Variants in MDFI observed in about 807,000 individuals in gnomAD.
MDFI encodes MyoD family inhibitor.
MDFI carries 16 observed loss-of-function variants against 22.3 expected under a neutral mutation model. That is an observed-to-expected ratio of 0.72 (90% confidence interval 0.49 to 1.09). The LOEUF (loss-of-function observed/expected upper bound fraction) is 1.09, where lower values mean the gene tolerates loss of function less well. Among genes scored for constraint, MDFI ranks in the 50% least tolerant of loss-of-function variants. The pLI is 0.00. For missense variants in MDFI, 314 were observed against 326.1 expected (o/e 0.96, Z 0.29); for synonymous variants, 145 against 142.7 (o/e 1.02, Z -0.12).
chr6:41,645,284 C>A (rs1561830691), intron 2 of MDFI, among the ~76,000 whole-genome samples: 1 of 152,098 alleles, frequency 6.6e-6, no homozygotes, highest in Admixed American at 6.5e-5. Context: ...TCCCCCATCC[C>A]TTTTCCCCCT....
chr6:41,639,122 G>GGGTC, intron 2 of MDFI: 7 of 560,860 alleles, frequency 1.2e-5, no homozygotes, highest in African/African-American at 2.1e-5. Context: ...ACACTCCGCG[G>GGGTC]TGTCTGTCCG....
chr6:41,642,599 C>T (rs191425044), intron 2 of MDFI, among the ~76,000 whole-genome samples: 2 of 152,328 alleles, frequency 1.3e-5, no homozygotes, highest in East Asian at 3.9e-4. Flanking sequence ...CCTTCTGCTT[C>T]CCTGTCTCTG....
At chr6:41,649,102 C>T (rs1442582973) in intron 3 of MDFI, among the ~76,000 whole-genome samples, 1 of 152,194 alleles carries the variant, frequency 6.6e-6, no homozygotes, top group Non-Finnish European at 1.5e-5. Flanking sequence ...TGAGGAGCCC[C>T]TGGATTCCAG....
In MDFI at chr6:41,653,208, C is replaced by A; in HGVS notation, c.485-111C>A. On this transcript the variant is annotated intron_variant, in intron 4 of 4. Transcript: ENST00000230321. The surrounding 1 kb of genome is among the most constrained non-coding windows in gnomAD (Gnocchi z 4.2). Reference sequence around the variant, plus strand: ...GTGAGCTTCAGGCACACAGTGAACACTCAGCGTCCCTGCTGCTGCCGCTGC... The same window carrying A: ...GTGAGCTTCAGGCACACAGTGAACAATCAGCGTCCCTGCTGCTGCCGCTGC... The A allele has an allele frequency of 8.9e-7, 1 of 1,119,948 alleles. No individual in the cohort carries two copies. The highest frequency in any genetic ancestry group is 1.3e-6 in the Non-Finnish European group (1 of 761,780). The allele number at this position is 1,119,948 out of a possible 1,614,324, so 69.4% of individuals were successfully genotyped here. A position where few individuals can be genotyped will look rare whatever the true frequency, so the allele number is the denominator to read the frequency against.
At chr6:41,646,041 A>C in intron 2 of MDFI, 85 bp from the exon 3 acceptor site, 1 of 1,234,258 alleles carries the variant, frequency 8.1e-7, no homozygotes, top group East Asian at 2.8e-5. Flanking sequence ...TTCAGTGGGC[A>C]TGCTGGGCTG....
chr6:41,641,099 C>G (rs1433936870), intron 2 of MDFI, among the ~76,000 whole-genome samples: 2 of 152,286 alleles, frequency 1.3e-5, no homozygotes, highest in Admixed American at 1.3e-4. Flanking sequence ...TCTTGGGGTT[C>G]AGGTCCAGGT....
chr6:41,637,928 G>GGACA (rs1410864832), upstream of MDFI, among the ~76,000 whole-genome samples: 1 of 152,190 alleles, frequency 6.6e-6, no homozygotes, highest in African/African-American at 2.4e-5. This position sits in a 1 kb window ranked among gnomAD's most constrained non-coding sequence, Gnocchi z 6.8. Context: ...CGGATTTCCC[G>GGACA]GACAGACAAC....
intron 2 of MDFI, among the ~76,000 whole-genome samples, chr6:41,640,146 G>A (rs1387606880): frequency 6.6e-6 from 1 of 152,144 alleles, no homozygotes; most frequent in Non-Finnish European, 1.5e-5. Context: ...GACAGCTGGG[G>A]GCAGGGCACT....
chr6:41,638,796 A>C lies in MDFI; in HGVS notation c.47A>C (p.Tyr16Ser), dbSNP rs765104021. ...CGCCCCTCTGGCTGCGACGCGCCCT[A>C]TGGAGCCCCCAGCGCAGCCCCGGGC... ...GQRPSGCDAP[Y>S]GAPSAAPGPA... Residue 16 changes from tyrosine (Y) to serine (S), a missense_variant, in exon 2 of 5, where the codon TAT becomes TCT. Tyr to Ser is a moderately radical substitution (Grantham distance 144, BLOSUM62 -2). Transcript: ENST00000230321. This position sits in a 1 kb window ranked among gnomAD's most constrained non-coding sequence, Gnocchi z 7.6. 6.4e-7 allele frequency: 1 copy of C among 1,568,618 alleles called. No homozygotes were observed. Among genetic ancestry groups the C allele is most frequent in the African/African-American group, 1.3e-5 (1 of 74,146 alleles).
At chr6:41,640,133 A>G (rs1767797178) in intron 2 of MDFI, among the ~76,000 whole-genome samples, 1 of 152,060 alleles carries the variant, frequency 6.6e-6, no homozygotes. Context: ...TTCAGCCCGG[A>G]GGGACAGCTG....
In MDFI at chr6:41,653,874, GT is replaced by G; in HGVS notation, c.*300del. ...AGGACAACCTAGGGGCAGGGCTGGG[GT>G]GGGGACCGCAGGGGGCAGCCAGGGC... On this transcript the variant is annotated 3_prime_UTR_variant, in exon 5 of 5. Coordinates refer to ENST00000230321, the MANE Select transcript of MDFI (RefSeq NM_005586.4). This position sits in a 1 kb window ranked among gnomAD's most constrained non-coding sequence, Gnocchi z 4.2. The G allele has an allele frequency of 2.1e-6, 1 of 467,848 alleles. No homozygotes were observed. Among genetic ancestry groups the G allele is most frequent in the African/African-American group, 2.0e-5 (1 of 51,262 alleles). The allele number at this position is 467,848 out of a possible 1,614,324, so 29.0% of individuals were successfully genotyped here. A position where few individuals can be genotyped will look rare whatever the true frequency, so the allele number is the denominator to read the frequency against.
At chr6:41,644,527 T>A (rs532385882) in intron 2 of MDFI, among the ~76,000 whole-genome samples, 1 of 149,006 alleles carries the variant, frequency 6.7e-6, no homozygotes, top group South Asian at 2.2e-4. Context: ...GGAACAAGGG[T>A]CATGAGGGTC....
At chr6:41,640,349 G>C (rs147224879) in intron 2 of MDFI, among the ~76,000 whole-genome samples, 11 of 152,246 alleles carry the variant, frequency 7.2e-5, no homozygotes, top group African/African-American at 2.2e-4. Flanking sequence ...GCCATTCTCA[G>C]CTCCAGCAGC....
At chr6:41,649,926 C>T in intron 4 of MDFI, 83 bp downstream of exon 4, 21 of 1,165,042 alleles carry the variant, frequency 1.8e-5, no homozygotes, top group South Asian at 2.9e-5. Flanking sequence ...CACTGGAGCA[C>T]CTTCACCAGG....
At position 41,653,731 on chromosome 6, in the gene MDFI, G is replaced by GA; in HGVS notation, c.*160dup. Reference sequence around the variant, plus strand: ...CATGTCCTCTCAGAACCCCAGCCTTGAAAATAGTGGGGGGCACTCAGAGGG... The same window carrying GA: ...CATGTCCTCTCAGAACCCCAGCCTTGAAAAATAGTGGGGGGCACTCAGAGGG... On this transcript the variant is annotated 3_prime_UTR_variant, in exon 5 of 5. Transcript: ENST00000230321. The surrounding 1 kb of genome is among the most constrained non-coding windows in gnomAD (Gnocchi z 4.2). 1 of 966,570 alleles carries GA rather than the reference G, an allele frequency of 1.0e-6. No homozygotes were observed. Among genetic ancestry groups the GA allele is most frequent in the Non-Finnish European group, 1.5e-6 (1 of 665,774 alleles). 59.9% of individuals were successfully genotyped at this position (966,570 alleles called of 1,614,324 possible).
At chr6:41,651,766 C>T (rs1053716949) in intron 4 of MDFI, among the ~76,000 whole-genome samples, 12 of 152,222 alleles carry the variant, frequency 7.9e-5, no homozygotes, top group African/African-American at 1.4e-4. Flanking sequence ...GAGAGCTGCA[C>T]GCTTTGCCCC....
At chr6:41,642,930 G>A (rs1003768640) in intron 2 of MDFI, among the ~76,000 whole-genome samples, 2 of 152,128 alleles carry the variant, frequency 1.3e-5, no homozygotes, top group Admixed American at 6.5e-5. Context: ...GTGGAGATGT[G>A]AACTCCAGGC....
At chr6:41,644,529 A>G (rs959941554) in intron 2 of MDFI, among the ~76,000 whole-genome samples, 3 of 151,988 alleles carry the variant, frequency 2.0e-5, no homozygotes, top group Non-Finnish European at 4.4e-5. Context: ...AACAAGGGTC[A>G]TGAGGGTCAC....
Position 41,649,652 on chromosome 6 carries a change from C to T in MDFI, c.293C>T (p.Pro98Leu), listed in dbSNP as rs142498910. 4.1e-4 allele frequency: 659 copies of T among 1,611,890 alleles called. 3 individuals are homozygous for T. In the African/African-American group the frequency reaches 6.9e-3, roughly 17 times the overall value. Residue 98 changes from proline to leucine, a missense_variant, in exon 4 of 5, where the codon CCA becomes CTA. By Grantham distance (98) the Pro-to-Leu change is moderately conservative. Coordinates refer to ENST00000230321, the MANE Select transcript of MDFI (RefSeq NM_005586.4). ...CAGGGGAACCCCTTGGGCTGCACCC[C>T]ACTTCTGCCGAATGACTCTGGCCAC... Reference protein sequence around the residue: ...QPQGNPLGCTPLLPNDSGHPS... With the variant: ...QPQGNPLGCTLLLPNDSGHPS...
Sources: allele counts gnomAD v4.1 joint callset (sites outside exome capture counted in the v4.1 genomes callset), GRCh38; gene constraint gnomAD v4.1.1; non-coding constraint Gnocchi (gnomAD v3.1); transcripts MANE v1.5; gene names NCBI Gene and HGNC (gene_info 2026-07-23, HGNC 2026-07-21).